Variants in SPON1 observed in about 807,000 individuals in gnomAD.
SPON1 encodes the protein spondin 1, also known as spondin-1.
Under a neutral mutation model 111.7 loss-of-function variants are expected in SPON1, and 52 were observed. The observed-to-expected ratio is 0.47, with a 90% CI of 0.37 to 0.59. The LOEUF (loss-of-function observed/expected upper bound fraction) is 0.59, where lower values mean the gene tolerates loss of function less well. SPON1 is among the 20% of genes least tolerant of loss of function. SPON1 has a pLI of 0.00. For synonymous variants in SPON1, 410 were observed against 395.8 expected (o/e 1.04, Z -0.43); for missense variants, 957 against 1,068.5 (o/e 0.90, Z 1.46).
intron 3 of SPON1, among the ~76,000 whole-genome samples, chr11:14,059,093 A>G (rs1387557340): frequency 6.6e-6 from 1 of 152,160 alleles, no homozygotes. Flanking sequence ...ACCTCCCCTC[A>G]TCCCACTCAC....
rs142471225 is a variant in SPON1, at chr11:14,265,330, G to A, written c.2261-194G>A. Among the ~76,000 whole-genome samples the A allele has an allele frequency of 4.4e-3, 676 of 152,248 alleles. 3 individuals carry two copies. The highest frequency in any genetic ancestry group is 0.018 in the South Asian group (85 of 4,812). On this transcript the variant is annotated intron_variant, in intron 15 of 15. Coordinates refer to ENST00000576479, the MANE Select transcript of SPON1 (RefSeq NM_006108.4). ...AGTCTGCCTTTTGATGAGAAGAACC[G>A]TGAAGCATTTGTGGCCATTTTTTTG... is the stretch of plus-strand genomic sequence containing the variant.
intron 2 of SPON1, among the ~76,000 whole-genome samples, chr11:14,021,696 C>T (rs1490553862): frequency 5.3e-5 from 8 of 152,186 alleles, no homozygotes; most frequent in Non-Finnish European, 8.8e-5. Context: ...AGACCTGAGA[C>T]GACCCTGCCC....
chr11:13,963,206 G>T, intron 1 of SPON1, 64 bp downstream of exon 1: 2 of 1,297,302 alleles, frequency 1.5e-6, no homozygotes, highest in South Asian at 1.6e-5. Context: ...CGCCGACCTC[G>T]CGGTGCCGGA....
At chr11:14,093,102 TAGAAGTC>T (rs1849071875) in intron 5 of SPON1, among the ~76,000 whole-genome samples, 1 of 152,326 alleles carries the variant, frequency 6.6e-6, no homozygotes, top group East Asian at 1.9e-4. Flanking sequence ...GATCCTAACT[TAGAAGTC>T]AGAAAGAGAA....
At chr11:14,150,390 TCA>T (rs1847772653) in intron 6 of SPON1, among the ~76,000 whole-genome samples, 1 of 151,792 alleles carries the variant, frequency 6.6e-6, no homozygotes, top group South Asian at 2.1e-4. Context: ...AGTTCCAATG[TCA>T]CTGGAGCATG....
At position 14,256,676 on chromosome 11, in the gene SPON1, A is replaced by AAG; in HGVS notation, c.1293_1294insAG (p.Glu432ArgfsTer40). On this transcript the variant is annotated frameshift_variant, in exon 10 of 16. Transcript: ENST00000576479. LOFTEE classifies it high-confidence loss of function. ...ATGATATTGTAGCTGACCTGGCTCC[A>AAG]GAAGAGAAAGATGAAGGTACGTTGT... 1 of 1,613,680 alleles carries AAG rather than the reference A, an allele frequency of 6.2e-7. No homozygotes were observed. Among genetic ancestry groups the AAG allele is most frequent in the Non-Finnish European group, 8.5e-7 (1 of 1,179,658 alleles).
intron 2 of SPON1, among the ~76,000 whole-genome samples, chr11:14,031,637 C>G (rs1178499104): frequency 1.5e-5 from 2 of 132,516 alleles, no homozygotes; most frequent in African/African-American, 5.8e-5. Flanking sequence ...GGAAACAAAC[C>G]AAAATTATTC....
At chr11:14,232,025 T>C (rs1204040550) in intron 6 of SPON1, among the ~76,000 whole-genome samples, 2 of 152,080 alleles carry the variant, frequency 1.3e-5, no homozygotes, top group Non-Finnish European at 2.9e-5. Context: ...CATGGTTATG[T>C]TTTTAAATTC....
At chr11:14,243,655 T>C (rs1388605485) in intron 7 of SPON1, among the ~76,000 whole-genome samples, 7 of 152,164 alleles carry the variant, frequency 4.6e-5, no homozygotes, top group African/African-American at 1.7e-4. Flanking sequence ...TCAGATGGGA[T>C]GATTAACTGT....
intron 5 of SPON1, among the ~76,000 whole-genome samples, chr11:14,096,593 GTGGT>G (rs1849103284): frequency 6.6e-6 from 1 of 152,184 alleles, no homozygotes; most frequent in Non-Finnish European, 1.5e-5. Flanking sequence ...CTGCAGGTGG[GTGGT>G]CCTCTTCCAG....
intron 6 of SPON1, among the ~76,000 whole-genome samples, chr11:14,200,923 G>A (rs1484372738): frequency 6.6e-6 from 1 of 151,624 alleles, no homozygotes; most frequent in African/African-American, 2.4e-5. Context: ...CCGGAAGTTG[G>A]GCTTTGAAGT....
intron 6 of SPON1, among the ~76,000 whole-genome samples, chr11:14,142,962 C>G (rs1847673673): frequency 6.6e-6 from 1 of 152,164 alleles, no homozygotes; most frequent in Non-Finnish European, 1.5e-5. Flanking sequence ...TTTTCCATGC[C>G]CTTCCATGCA....
intron 1 of SPON1, among the ~76,000 whole-genome samples, chr11:13,969,653 T>TAG (rs1476078044): frequency 1.3e-5 from 2 of 152,150 alleles, no homozygotes; most frequent in African/African-American, 4.8e-5. Flanking sequence ...ACTACAGGGC[T>TAG]AGATACAAGA....
chr11:14,175,917 G>A (rs1383442702), intron 6 of SPON1, among the ~76,000 whole-genome samples: 6 of 152,170 alleles, frequency 3.9e-5, no homozygotes, highest in South Asian at 2.1e-4. Flanking sequence ...AACATTTTCC[G>A]TTCCAGCAAA....
At chr11:14,029,668 A>T (rs1848544475) in intron 2 of SPON1, among the ~76,000 whole-genome samples, 2 of 152,156 alleles carry the variant, frequency 1.3e-5, no homozygotes, top group African/African-American at 4.8e-5. Flanking sequence ...CCCAGTGCTC[A>T]GGTGGGCGTT....
Position 14,254,508 on chromosome 11 carries a change from T to C in SPON1, c.891-20T>C. 1 of 1,572,616 alleles carries C rather than the reference T, an allele frequency of 6.4e-7. No homozygotes were observed. The highest frequency in any genetic ancestry group is 1.4e-5 in the African/African-American group (1 of 74,012). On this transcript the variant is annotated intron_variant, in intron 7 of 15. Transcript: ENST00000576479. ...AACCCCCAGAACTCTAATATAATGG[T>C]CTCTGTATTTCGTTTCCAGGAGAGC... is the stretch of plus-strand genomic sequence containing the variant.
chr11:14,163,052 C>G (rs1364385903), intron 6 of SPON1, among the ~76,000 whole-genome samples: 1 of 152,198 alleles, frequency 6.6e-6, no homozygotes, highest in Non-Finnish European at 1.5e-5. Flanking sequence ...CTCATCTTAT[C>G]CTCACATTCA....
intron 1 of SPON1, among the ~76,000 whole-genome samples, chr11:13,967,715 C>T (rs1287888179): frequency 3.3e-5 from 5 of 152,086 alleles, no homozygotes; most frequent in Non-Finnish European, 7.4e-5. Context: ...TTTTTAAAAA[C>T]TTAAGTGCTG....
chr11:13,998,036 A>T (rs1420174954), intron 2 of SPON1, among the ~76,000 whole-genome samples: 1 of 152,206 alleles, frequency 6.6e-6, no homozygotes, highest in Non-Finnish European at 1.5e-5. Flanking sequence ...CAACACACAC[A>T]GTGCTGGGTG....
Sources: allele counts gnomAD v4.1 joint callset (sites outside exome capture counted in the v4.1 genomes callset), GRCh38; gene constraint gnomAD v4.1.1; transcripts MANE v1.5; gene names NCBI Gene and HGNC (gene_info 2026-07-23, HGNC 2026-07-21).